XRCC4: variants seen among roughly 807,000 people sequenced by gnomAD.
XRCC4 encodes the protein X-ray repair cross complementing 4.
In XRCC4, 28 loss-of-function variants were observed where a neutral mutation model predicts 39.1. That is an observed-to-expected ratio of 0.72 (90% CI 0.53 to 0.98). XRCC4 has a LOEUF of 0.98. XRCC4 is among the 50% of genes least tolerant of loss of function. The pLI, the probability that XRCC4 is intolerant of heterozygous loss-of-function variation, is 0.00. For missense variants in XRCC4, 350 were observed against 376.4 expected (o/e 0.93, Z 0.58); for synonymous variants, 123 against 126.4 (o/e 0.97, Z 0.18).
chr5:83,147,324 T>C (rs1449671936), intron 3 of XRCC4, among the ~76,000 whole-genome samples: 2 of 152,020 alleles, frequency 1.3e-5, no homozygotes, highest in African/African-American at 4.8e-5. Flanking sequence ...AGTAGATGAA[T>C]GGAGAAGGAA....
At chr5:83,288,251 G>A (rs1292002236) in intron 7 of XRCC4, among the ~76,000 whole-genome samples, 3 of 151,792 alleles carry the variant, frequency 2.0e-5, no homozygotes, top group African/African-American at 7.3e-5. Context: ...GGTGTTGGAT[G>A]GAAGATTCTA....
chr5:83,164,537 G>C (rs999162932), intron 3 of XRCC4, among the ~76,000 whole-genome samples: 2 of 152,054 alleles, frequency 1.3e-5, no homozygotes, highest in Non-Finnish European at 2.9e-5. Context: ...TATAATAATA[G>C]TGTATTGTGT....
intron 7 of XRCC4, among the ~76,000 whole-genome samples, chr5:83,324,973 G>C (rs1370842977): frequency 6.6e-6 from 1 of 152,052 alleles, no homozygotes; most frequent in Non-Finnish European, 1.5e-5. Context: ...CCCACCTTTG[G>C]CTACTTTGGG....
At chr5:83,338,993 G>A (rs991278105) in intron 7 of XRCC4, among the ~76,000 whole-genome samples, 1 of 152,096 alleles carries the variant, frequency 6.6e-6, no homozygotes, top group African/African-American at 2.4e-5. Flanking sequence ...AAAAATGGCT[G>A]GATAGGTCTT....
intron 7 of XRCC4, among the ~76,000 whole-genome samples, chr5:83,297,799 TTC>T (rs890768052): frequency 6.6e-6 from 1 of 151,790 alleles, no homozygotes; most frequent in Non-Finnish European, 1.5e-5. Context: ...ACGCTTCAAG[TTC>T]TCATTATTTC....
chr5:83,133,683 C>T (rs1747726349), intron 3 of XRCC4, among the ~76,000 whole-genome samples: 1 of 152,204 alleles, frequency 6.6e-6, no homozygotes, highest in Admixed American at 6.6e-5. Flanking sequence ...TGGGACTCTC[C>T]AAGCCAGGCG....
intron 7 of XRCC4, among the ~76,000 whole-genome samples, chr5:83,320,020 T>C (rs1756001101): frequency 6.6e-6 from 1 of 150,864 alleles, no homozygotes; most frequent in South Asian, 2.1e-4. Flanking sequence ...TGGAATACTA[T>C]GCAGCCATAA....
chr5:83,100,464 T>G (rs1256719062), intron 1 of XRCC4, among the ~76,000 whole-genome samples: 1 of 152,072 alleles, frequency 6.6e-6, no homozygotes, highest in Non-Finnish European at 1.5e-5. Context: ...TCTCTGTAAT[T>G]AGAAATTTGT....
At chr5:83,242,171 T>C (rs892745635) in intron 6 of XRCC4, among the ~76,000 whole-genome samples, 1 of 150,668 alleles carries the variant, frequency 6.6e-6, no homozygotes, top group Non-Finnish European at 1.5e-5. Flanking sequence ...ATTGTGTGTG[T>C]GTGTGTGTGT....
intron 6 of XRCC4, among the ~76,000 whole-genome samples, chr5:83,257,725 G>A (rs1321059732): frequency 1.3e-5 from 2 of 152,088 alleles, no homozygotes; most frequent in Non-Finnish European, 2.9e-5. Flanking sequence ...CTACTATAAA[G>A]ACATATGCAC....
intron 7 of XRCC4, among the ~76,000 whole-genome samples, chr5:83,338,296 T>G (rs1756653197): frequency 6.6e-6 from 1 of 152,182 alleles, no homozygotes; most frequent in South Asian, 2.1e-4. Context: ...GAACAGATAA[T>G]AGTTACATAC....
chr5:83,103,105 CTG>C (rs147980871), intron 1 of XRCC4, among the ~76,000 whole-genome samples: 3,455 of 148,870 alleles, frequency 0.023, 129 homozygotes, highest in African/African-American at 0.08. Flanking sequence ...GTGTAAAACT[CTG>C]TGCCACCATG....
At chr5:83,169,760 G>GAA (rs199597233) in intron 3 of XRCC4, among the ~76,000 whole-genome samples, 2 of 150,416 alleles carry the variant, frequency 1.3e-5, no homozygotes, top group Non-Finnish European at 3.0e-5. Flanking sequence ...GACTTTGAGA[G>GAA]AAAAAAAAAT....
At chr5:83,196,283 C>G (rs28360140) in intron 4 of XRCC4, among the ~76,000 whole-genome samples, 2,282 of 152,020 alleles carry the variant, frequency 0.015, 77 homozygotes, top group African/African-American at 0.052. Flanking sequence ...GAAAAAGAGA[C>G]ATGAAATAAA....
intron 3 of XRCC4, among the ~76,000 whole-genome samples, chr5:83,124,331 T>C (rs1312681035): frequency 6.6e-6 from 1 of 152,176 alleles, no homozygotes; most frequent in Non-Finnish European, 1.5e-5. Context: ...GTCACTGTAG[T>C]TTTGTCACTT....
At chr5:83,292,847 AC>A (rs761068385) in intron 7 of XRCC4, among the ~76,000 whole-genome samples, 46 of 151,988 alleles carry the variant, frequency 3.0e-4, no homozygotes, top group Non-Finnish European at 7.4e-5. Flanking sequence ...AGATTGGATG[AC>A]AAAACTATAT....
At chr5:83,187,776 A>G (rs1235345287) in intron 3 of XRCC4, among the ~76,000 whole-genome samples, 1 of 152,232 alleles carries the variant, frequency 6.6e-6, no homozygotes, top group Non-Finnish European at 1.5e-5. Context: ...CGTACTGCCC[A>G]GTACAGCAAC....
In XRCC4 at chr5:83,284,063, A is replaced by C. The variant is rs1197144823; in HGVS notation, c.893+25386A>C. ...CTACCAACCCAGAGCAAAAAAAAAA[A>C]AAAAAAAAAAAAAAACGAATAATTC... On this transcript the variant is annotated intron_variant, in intron 7 of 7. Transcript: ENST00000396027. 8.2e-4 allele frequency among the ~76,000 whole-genome samples: 123 copies of C among 149,882 alleles called. 1 individual carries two copies. Among genetic ancestry groups the C allele is most frequent in the Non-Finnish European group, 9.1e-4 (61 of 67,046 alleles).
intron 6 of XRCC4, among the ~76,000 whole-genome samples, chr5:83,250,138 CAT>C (rs1753253306): frequency 6.6e-6 from 1 of 152,118 alleles, no homozygotes. Flanking sequence ...CATTTCATGA[CAT>C]AGGTAGCTGT....
Sources: gnomAD v4.1 joint callset for allele counts (sites outside exome capture counted in the v4.1 genomes callset) on GRCh38, gnomAD v4.1.1 for gene constraint, MANE v1.5 for transcripts, NCBI Gene and HGNC (gene_info 2026-07-23, HGNC 2026-07-21) for gene names.